The following REXO1 variants were observed in gnomAD, a reference collection of about 807,000 sequenced individuals.
The protein encoded by REXO1 is REX1, RNA exonuclease 1 homolog.
Under a neutral mutation model 102.6 loss-of-function variants are expected in REXO1, and 42 were observed. The ratio of observed to expected loss-of-function variants is 0.41; its 90% confidence interval spans 0.32 to 0.53. The LOEUF is 0.53. REXO1 is among the 20% of genes least tolerant of loss of function. The pLI is 0.27. For synonymous variants in REXO1, 908 were observed against 779.1 expected (o/e 1.17, Z -2.76); for missense variants, 1,819 against 1,732.5 (o/e 1.05, Z -0.89).
intron 1 of REXO1, among the ~76,000 whole-genome samples, chr19:1,846,477 C>T (rs1283797810): frequency 3.9e-5 from 6 of 152,222 alleles, no homozygotes; most frequent in Admixed American, 2.0e-4. Context: ...AAGAGGCAGG[C>T]AGCTGCCTTT....
rs1157881286 is a variant in REXO1, at chr19:1,826,554, G to A, written c.1911+324C>T. On this transcript the variant is annotated intron_variant, in intron 2 of 15. Transcript: ENST00000170168. The surrounding 1 kb of genome is among the most constrained non-coding windows in gnomAD (Gnocchi z 4.3). Reference sequence around the variant, plus strand: ...GGGAGAGGGGCTAGAAGGGTGTGCCGGAGGTGGATTCCCCTGAGGTGGGTG... The same window carrying A: ...GGGAGAGGGGCTAGAAGGGTGTGCCAGAGGTGGATTCCCCTGAGGTGGGTG... 6.6e-6 allele frequency among the ~76,000 whole-genome samples: 1 copy of A among 151,652 alleles called. No individual in the cohort carries two copies. The highest frequency in any genetic ancestry group is 1.5e-5 in the Non-Finnish European group (1 of 67,882).
intron 1 of REXO1, among the ~76,000 whole-genome samples, chr19:1,830,020 C>T (rs1385322248): frequency 3.3e-5 from 5 of 152,312 alleles, no homozygotes; most frequent in Non-Finnish European, 5.9e-5. Flanking sequence ...GGTTCCAGAA[C>T]ATAGTGTAGC....
chr19:1,820,474 T>A, intron 5 of REXO1, 79 bp from the exon 6 acceptor site: 1 of 1,543,250 alleles, frequency 6.5e-7, no homozygotes, highest in South Asian at 1.1e-5. Context: ...GATGAGGCCG[T>A]GCCCATGGCT....
At chr19:1,847,042 A>G (rs527943148) in intron 1 of REXO1, among the ~76,000 whole-genome samples, 1 of 152,158 alleles carries the variant, frequency 6.6e-6, no homozygotes, top group Non-Finnish European at 1.5e-5. Context: ...CGGGATCTGT[A>G]GGCACAGCTG....
rs1225938892 is a variant in REXO1 at position 1,827,621 on chromosome 19, T to C, written c.1168A>G (p.Lys390Glu). The stretch of plus-strand genomic sequence containing the variant: ...TTGTCCTTCCCCTGGGCCCCGTCTT[T>C]GCAGCTGGGGGCAGGTGGGGCCCCG... ...KTGAPPAPSC[K>E]DGAQGKDKTK... Residue 390 changes from lysine to glutamate, a missense_variant, in exon 2 of 16, where the codon AAA becomes GAA. Transcript: ENST00000170168. The C allele has an allele frequency of 1.9e-6, 3 of 1,577,974 alleles. No homozygotes were observed. The highest frequency in any genetic ancestry group is 1.2e-5 in the South Asian group (1 of 86,142).
chr19:1,825,995 A>AAC, intron 2 of REXO1, 52 bp from the exon 3 acceptor site: 1 of 1,326,364 alleles, frequency 7.5e-7, no homozygotes, highest in Non-Finnish European at 1.1e-6. Flanking sequence ...TGCCAACACC[A>AAC]ACACACCCCA....
chr19:1,837,581 G>A (rs2070076006), intron 1 of REXO1, among the ~76,000 whole-genome samples: 1 of 152,208 alleles, frequency 6.6e-6, no homozygotes, highest in Non-Finnish European at 1.5e-5. Flanking sequence ...AGGTGGCCCA[G>A]CTCTGCCCCA....
At chr19:1,839,544 A>C (rs1347228246) in intron 1 of REXO1, among the ~76,000 whole-genome samples, 1 of 152,238 alleles carries the variant, frequency 6.6e-6, no homozygotes, top group Non-Finnish European at 1.5e-5. Context: ...CTGCAAGCAC[A>C]AGCTGTTTTT....
chr19:1,817,475 G>A, intron 11 of REXO1, 146 bp from the exon 12 acceptor site: 1 of 1,476,972 alleles, frequency 6.8e-7, no homozygotes, highest in Non-Finnish European at 9.0e-7. Context: ...AGCAGGTGGG[G>A]AAGGGGGCTT....
rs746701179 is a variant in REXO1, at chr19:1,815,378, C to T, written c.*688G>A. ...CGGAGGCCGGTGGGCTCCCTCTAGA[C>T]GGCAGACCCTGGGGCTAACGAGGGG... On this transcript the variant is annotated 3_prime_UTR_variant, in exon 16 of 16. Coordinates refer to ENST00000170168, the MANE Select transcript of REXO1 (RefSeq NM_020695.4). The surrounding 1 kb of genome is among the most constrained non-coding windows in gnomAD (Gnocchi z 4.0). 7 of 161,994 alleles carry T rather than the reference C, an allele frequency of 4.3e-5. No homozygotes were observed. Among genetic ancestry groups the T allele is most frequent in the East Asian group, 3.7e-4 (2 of 5,472 alleles). The allele number at this position is 161,994 out of a possible 1,614,324, so 10.0% of individuals were successfully genotyped here.
At chr19:1,835,661 G>C (rs1030805037) in intron 1 of REXO1, among the ~76,000 whole-genome samples, 1 of 152,208 alleles carries the variant, frequency 6.6e-6, no homozygotes, top group South Asian at 2.1e-4. Context: ...GATAGGAGCA[G>C]GTGGGCTCCT....
In REXO1 at chr19:1,816,320, G is replaced by A. The variant is rs1305994068; in HGVS notation, c.3482C>T (p.Thr1161Met). The A allele has an allele frequency of 1.9e-6, 3 of 1,591,262 alleles. No individual in the cohort carries two copies. Among genetic ancestry groups the A allele is most frequent in the South Asian group, 2.3e-5 (2 of 88,516 alleles). The change falls in exon 15 of 16, where the codon ACG (threonine) becomes ATG (methionine). Residue 1161 changes from threonine (T) to methionine (M), a missense_variant. Transcript: ENST00000170168. Reference protein sequence around the residue: ...LKVIHSTVVDTSVLFPHRLGL... With the variant: ...LKVIHSTVVDMSVLFPHRLGL... The stretch of plus-strand genomic sequence containing the variant: ...CAGGCGGTGGGGGAAGAGCACAGAC[G>A]TGTCCACCACGGTGCTGTGGATGAC...
chr19:1,827,413 C>T lies in REXO1; in HGVS notation c.1376G>A (p.Ser459Asn), dbSNP rs973397810. 1.4e-5 allele frequency: 21 copies of T among 1,542,728 alleles called. No individual in the cohort carries two copies. Among genetic ancestry groups the T allele is most frequent in the Non-Finnish European group, 1.8e-5 (21 of 1,154,474 alleles). ...CGGTCGGGAGTCCCCGCTTGTGGGG[C>T]TCGGCCGCCGCGCTGGCCGGTCAGG... ...GRPDRPARRP[S>N]PTSGDSRPAA... is the part of the protein sequence containing the mutation. The change falls in exon 2 of 16, where the codon AGC (serine) becomes AAC (asparagine). Residue 459 changes from serine to asparagine, a missense_variant. Physicochemically the swap from Ser to Asn is conservative, Grantham distance 46 (BLOSUM62 1). Coordinates refer to ENST00000170168, the MANE Select transcript of REXO1 (RefSeq NM_020695.4).
chr19:1,831,671 C>T (rs1043653627), intron 1 of REXO1, among the ~76,000 whole-genome samples: 1 of 151,478 alleles, frequency 6.6e-6, no homozygotes, highest in African/African-American at 2.4e-5. Context: ...GGAAAAACCC[C>T]ATCTCTACTA....
chr19:1,821,595 C>G lies in REXO1; in HGVS notation c.2318G>C (p.Arg773Pro). 1 of 1,613,876 alleles carries G rather than the reference C, an allele frequency of 6.2e-7. No individual in the cohort carries two copies. Among genetic ancestry groups the G allele is most frequent in the Non-Finnish European group, 8.5e-7 (1 of 1,179,896 alleles). The change falls in exon 5 of 16, where the codon CGC (arginine) becomes CCC (proline). Residue 773 changes from arginine to proline, a missense_variant. Arg to Pro is a moderately radical substitution (Grantham distance 103). Coordinates refer to ENST00000170168, the MANE Select transcript of REXO1 (RefSeq NM_020695.4). ...CTTGGACGCCATCCCCGACAATGTG[C>G]GTGTTTTCAGCTGCTGGCCACCTGG... is the stretch of plus-strand genomic sequence containing the variant. Reference protein sequence around the residue: ...PEPGGQQLKTRTLSGMASKTT... With the variant: ...PEPGGQQLKTPTLSGMASKTT...
chr19:1,816,902 C>T, intron 12 of REXO1, 89 bp from the exon 13 acceptor site: 4 of 997,904 alleles, frequency 4.0e-6, no homozygotes, highest in Non-Finnish European at 6.2e-6. Context: ...CAGAGCCCCT[C>T]CAGGCAGAGG....
chr19:1,821,831 C>T lies in REXO1; in HGVS notation c.2231-149G>A. 5.8e-6 allele frequency: 4 copies of T among 687,430 alleles called. No individual in the cohort carries two copies. The South Asian group carries it at 7.7e-5, about 13-fold the overall frequency. The allele number at this position is 687,430 out of a possible 1,614,324, so 42.6% of individuals were successfully genotyped here. On this transcript the variant is annotated intron_variant, in intron 4 of 15. Coordinates refer to ENST00000170168, the MANE Select transcript of REXO1 (RefSeq NM_020695.4). ...GCCAGGGTGAGGGGCTGGGGCTGCGCAATGGCATCAGGCTCTAGCTGCCTT... is the reference window on the plus strand; with the variant it reads ...GCCAGGGTGAGGGGCTGGGGCTGCGTAATGGCATCAGGCTCTAGCTGCCTT...
chr19:1,840,159 C>T (rs909541045), intron 1 of REXO1, among the ~76,000 whole-genome samples: 11 of 152,230 alleles, frequency 7.2e-5, no homozygotes, highest in Non-Finnish European at 1.6e-4. Context: ...CCCAAGCACA[C>T]GCTCTCTGCC....
intron 1 of REXO1, among the ~76,000 whole-genome samples, chr19:1,842,440 C>G (rs940369019): frequency 1.3e-5 from 2 of 152,262 alleles, no homozygotes; most frequent in Non-Finnish European, 2.9e-5. Context: ...CCTAACATTC[C>G]CAAGGTGCAG....
Sources: gnomAD v4.1 joint callset for allele counts (sites outside exome capture counted in the v4.1 genomes callset) on GRCh38, gnomAD v4.1.1 for gene constraint, Gnocchi (gnomAD v3.1) non-coding constraint, MANE v1.5 for transcripts, NCBI Gene and HGNC (gene_info 2026-07-23, HGNC 2026-07-21) for gene names.